The following RFX3 variants were observed in gnomAD, a reference collection of about 807,000 sequenced individuals.
RFX3 encodes transcription factor RFX3.
Under a neutral mutation model 98.6 loss-of-function variants are expected in RFX3, and 14 were observed. That is an observed-to-expected ratio of 0.14 (90% CI 0.09 to 0.22). The LOEUF (loss-of-function observed/expected upper bound fraction) is 0.22. RFX3 is among the 10% of genes least tolerant of loss of function. The pLI, the probability that RFX3 is intolerant of heterozygous loss-of-function variation, is 1.00. For missense variants in RFX3, 639 were observed against 926.9 expected (o/e 0.69, Z 4.03); for synonymous variants, 383 against 328.4 (o/e 1.17, Z -1.80).
chr9:3,327,322 T>C (rs1832033318), intron 4 of RFX3, among the ~76,000 whole-genome samples: 1 of 152,162 alleles, frequency 6.6e-6, no homozygotes, highest in Non-Finnish European at 1.5e-5. Flanking sequence ...TTCAACTTTG[T>C]TAATTTTACT....
At chr9:3,402,226 C>G (rs1229598429) in intron 1 of RFX3, among the ~76,000 whole-genome samples, 1 of 152,116 alleles carries the variant, frequency 6.6e-6, no homozygotes, top group Admixed American at 6.6e-5. Context: ...ATAATTTGCT[C>G]TCCTAAAGAC....
intron 1 of RFX3, among the ~76,000 whole-genome samples, chr9:3,522,550 TGTGTGC>T (rs927820238): frequency 3.7e-5 from 5 of 136,472 alleles, no homozygotes; most frequent in African/African-American, 1.6e-4. Context: ...TGGAAAAGTG[TGTGTGC>T]GTGTGTGTGT....
intron 11 of RFX3, 103 bp from the exon 12 acceptor site, chr9:3,266,408 A>C: frequency 1.7e-6 from 1 of 604,582 alleles, no homozygotes; most frequent in Middle Eastern, 3.1e-4. Context: ...CTGATACAGC[A>C]CAGAACTCAT....
In RFX3 at chr9:3,458,069, C is replaced by A. The variant is rs1414383398; in HGVS notation, c.-8-62473G>T. 4.6e-5 allele frequency among the ~76,000 whole-genome samples: 7 copies of A among 152,240 alleles called. No homozygotes were observed. The Middle Eastern group carries it at 0.014, about 298-fold the overall frequency. ...AGAAGACTGGAAGTATCCTAGGGAA[C>A]AGCATGTGCAAAGCCATGGCAATAT... On this transcript the variant is annotated intron_variant, in intron 1 of 16. Transcript: ENST00000617270.
At chr9:3,403,458 A>G (rs1358050425) in intron 1 of RFX3, among the ~76,000 whole-genome samples, 4 of 152,146 alleles carry the variant, frequency 2.6e-5, no homozygotes, top group Admixed American at 6.6e-5. Context: ...AATAGTGTAG[A>G]CTGTTCAGCA....
chr9:3,250,246 G>C (rs1210419291), intron 14 of RFX3, among the ~76,000 whole-genome samples: 1 of 151,926 alleles, frequency 6.6e-6, no homozygotes, highest in South Asian at 2.1e-4. Context: ...GATTTTTAAA[G>C]TAAAGCATGA....
At chr9:3,246,980 T>A in intron 15 of RFX3, 1 of 784,744 alleles carries the variant, frequency 1.3e-6, no homozygotes, top group South Asian at 5.9e-5. Flanking sequence ...TTGAAGTATT[T>A]TAATGTATTT....
chr9:3,323,269 T>A (rs1200697617), intron 4 of RFX3, among the ~76,000 whole-genome samples: 1 of 152,018 alleles, frequency 6.6e-6, no homozygotes, highest in African/African-American at 2.4e-5. Flanking sequence ...TGTGTCGTAT[T>A]TTTCCCCTTT....
At chr9:3,430,769 A>AT (rs1844585573) in intron 1 of RFX3, among the ~76,000 whole-genome samples, 2 of 152,072 alleles carry the variant, frequency 1.3e-5, no homozygotes, top group South Asian at 4.1e-4. Context: ...ATATTGGAAC[A>AT]TTTTTTAGAG....
chr9:3,248,786 G>T (rs1821009570), intron 14 of RFX3, among the ~76,000 whole-genome samples: 1 of 151,984 alleles, frequency 6.6e-6, no homozygotes, highest in African/African-American at 2.4e-5. Flanking sequence ...TTAAATTAAG[G>T]CACATTTACA....
At chr9:3,473,042 C>T (rs1419780572) in intron 1 of RFX3, among the ~76,000 whole-genome samples, 1 of 152,096 alleles carries the variant, frequency 6.6e-6, no homozygotes, top group Non-Finnish European at 1.5e-5. Flanking sequence ...ATCAAAACTC[C>T]ATCTAGAATG....
chr9:3,225,274 C>T lies in RFX3; in HGVS notation c.2018G>A (p.Gly673Asp). 6.2e-7 allele frequency: 1 copy of T among 1,613,294 alleles called. No individual in the cohort carries two copies. The highest frequency in any genetic ancestry group is 8.5e-7 in the Non-Finnish European group (1 of 1,179,814). ...ATCCATTTCACTTTCTACTTCACTG[C>T]CTTCATCTGCACAAACAAATAATAC... ...VSPGNLDKDEGSEVESEMDEE... is the reference protein window; with the variant it reads ...VSPGNLDKDEDSEVESEMDEE... The change falls in exon 17 of 17, where the codon GGC becomes GAC. Residue 673 changes from glycine (G) to aspartate (D), a missense_variant. Physicochemically the swap from Gly to Asp is moderately conservative, Grantham distance 94 (BLOSUM62 -1). Around this residue, in one of 9 missense-constraint regions of RFX3, gnomAD observed 129 missense variants for 124.6 expected, o/e 1.04. Coordinates refer to ENST00000617270, the MANE Select transcript of RFX3 (RefSeq NM_001282116.2).
chr9:3,232,073 A>C (rs1661172383), intron 15 of RFX3, among the ~76,000 whole-genome samples: 1 of 152,008 alleles, frequency 6.6e-6, no homozygotes. Context: ...CAAGCAAGCA[A>C]ACAAACAAAA....
intron 13 of RFX3, among the ~76,000 whole-genome samples, chr9:3,257,544 C>T (rs1190129860): frequency 2.0e-5 from 3 of 152,156 alleles, no homozygotes; most frequent in Admixed American, 2.0e-4. Flanking sequence ...GTCTTTCATC[C>T]TATTCAGCTT....
At chr9:3,289,744 T>C (rs1451402161) in intron 6 of RFX3, among the ~76,000 whole-genome samples, 2 of 152,114 alleles carry the variant, frequency 1.3e-5, no homozygotes, top group African/African-American at 2.4e-5. Context: ...TGGTCTTCTT[T>C]ACTCAAATTT....
chr9:3,375,229 C>A (rs192631422), intron 2 of RFX3, among the ~76,000 whole-genome samples: 5 of 152,168 alleles, frequency 3.3e-5, no homozygotes, highest in Admixed American at 3.3e-4. Context: ...ACTATGAAGA[C>A]CATTAACTCC....
At chr9:3,405,987 C>T (rs1841934381) in intron 1 of RFX3, among the ~76,000 whole-genome samples, 1 of 152,056 alleles carries the variant, frequency 6.6e-6, no homozygotes, top group Non-Finnish European at 1.5e-5. Flanking sequence ...CAAGGTCTCA[C>T]TCTGTTGCCC....
chr9:3,326,920 A>C (rs534444931), intron 4 of RFX3, among the ~76,000 whole-genome samples: 3 of 152,296 alleles, frequency 2.0e-5, no homozygotes, highest in African/African-American at 7.2e-5. Context: ...GACCCAACGG[A>C]CTATTTCTCA....
At chr9:3,505,179 A>AATATATATATGAATATATATTT (rs1489234048) in intron 1 of RFX3, among the ~76,000 whole-genome samples, 4 of 81,136 alleles carry the variant, frequency 4.9e-5, no homozygotes, top group Non-Finnish European at 8.3e-5. Context: ...TATTCATATA[A>AATATATATATGAATATATATTT]ATATATATAT....
Sources: gnomAD v4.1 joint callset for allele counts (sites outside exome capture counted in the v4.1 genomes callset) on GRCh38, gnomAD v4.1.1 for gene constraint, gnomAD v4.1.1 regional missense constraint, MANE v1.5 for transcripts, NCBI Gene and HGNC (gene_info 2026-07-23, HGNC 2026-07-21) for gene names.